SMIM36: variants seen among roughly 807,000 people sequenced by gnomAD.
SMIM36 encodes small integral membrane protein 36.
intron 3 of SMIM36, among the ~76,000 whole-genome samples, chr17:55,474,354 C>T (rs929300737): frequency 1.3e-5 from 2 of 152,116 alleles, no homozygotes; most frequent in Non-Finnish European, 2.9e-5. Flanking sequence ...TTGAGTGATG[C>T]GGATCCTGAG....
intron 4 of SMIM36, among the ~76,000 whole-genome samples, chr17:55,464,784 G>A (rs1909206567): frequency 2.6e-5 from 4 of 152,156 alleles, no homozygotes. Context: ...TGATAAAGAT[G>A]GGAACCAGTT....
At chr17:55,498,361 T>C (rs1270537266) in intron 1 of SMIM36, among the ~76,000 whole-genome samples, 1 of 152,182 alleles carries the variant, frequency 6.6e-6, no homozygotes, top group Non-Finnish European at 1.5e-5. Context: ...TCCAAATTTC[T>C]ACAGCACGTG....
chr17:55,490,757 G>A (rs1909687800), intron 1 of SMIM36, among the ~76,000 whole-genome samples: 2 of 152,130 alleles, frequency 1.3e-5, no homozygotes, highest in Non-Finnish European at 2.9e-5. Context: ...TATTTATAAA[G>A]TGAGAAAAAG....
At chr17:55,493,721 G>T (rs781082277) in intron 1 of SMIM36, among the ~76,000 whole-genome samples, 1 of 149,528 alleles carries the variant, frequency 6.7e-6, no homozygotes, top group African/African-American at 2.5e-5. Flanking sequence ...GAGGTGGGAG[G>T]ATCCCTTGAG....
At chr17:55,501,370 T>TA (rs1909963588) in intron 1 of SMIM36, among the ~76,000 whole-genome samples, 1 of 79,032 alleles carries the variant, frequency 1.3e-5, no homozygotes, top group Non-Finnish European at 2.1e-5. Context: ...ATATAATATA[T>TA]TATATATTAT....
chr17:55,492,107 T>C (rs997876631), intron 1 of SMIM36, among the ~76,000 whole-genome samples: 29 of 150,002 alleles, frequency 1.9e-4, no homozygotes, highest in Non-Finnish European at 3.7e-4. Flanking sequence ...TGCAGTGAGC[T>C]GAGATGCTGT....
intron 4 of SMIM36, among the ~76,000 whole-genome samples, chr17:55,455,404 A>G (rs1908999056): frequency 7.1e-6 from 1 of 140,836 alleles, no homozygotes; most frequent in Non-Finnish European, 1.5e-5. Context: ...AACAGGATTC[A>G]TACATTCTTA....
chr17:55,493,131 C>G (rs1428958264), intron 1 of SMIM36, among the ~76,000 whole-genome samples: 1 of 152,182 alleles, frequency 6.6e-6, no homozygotes, highest in Non-Finnish European at 1.5e-5. Flanking sequence ...GCTGTAGCCA[C>G]GGGCAGTTTT....
intron 1 of SMIM36, among the ~76,000 whole-genome samples, chr17:55,494,522 C>T (rs1438044893): frequency 6.6e-6 from 1 of 152,084 alleles, no homozygotes; most frequent in South Asian, 2.1e-4. Flanking sequence ...TACACATAGA[C>T]AAACTCCAAG....
At chr17:55,493,344 C>A (rs1044041193) in intron 1 of SMIM36, among the ~76,000 whole-genome samples, 2 of 152,168 alleles carry the variant, frequency 1.3e-5, no homozygotes, top group African/African-American at 4.8e-5. Flanking sequence ...AGTGGCTGGG[C>A]TAAGAATTAG....
chr17:55,456,808 A>G (rs1435822047), intron 4 of SMIM36, among the ~76,000 whole-genome samples: 2 of 152,182 alleles, frequency 1.3e-5, no homozygotes, highest in Non-Finnish European at 1.5e-5. Flanking sequence ...GGACTTAATT[A>G]TAAGTTTCAT....
intron 4 of SMIM36, among the ~76,000 whole-genome samples, chr17:55,461,473 A>G (rs1275225541): frequency 6.6e-6 from 1 of 152,140 alleles, no homozygotes; most frequent in Non-Finnish European, 1.5e-5. Context: ...ATTGCCAGGG[A>G]CTGTGGTGGG....
At chr17:55,465,835 A>G (rs1375560671) in intron 4 of SMIM36, among the ~76,000 whole-genome samples, 2 of 152,112 alleles carry the variant, frequency 1.3e-5, no homozygotes, top group Non-Finnish European at 2.9e-5. Flanking sequence ...CAGAGTCTCT[A>G]ATAAGGTCCT....
rs111585598 is a variant in SMIM36 at position 55,497,039 on chromosome 17, G to T, written c.*174+13840C>A. 1.3e-3 allele frequency among the ~76,000 whole-genome samples: 194 copies of T among 152,176 alleles called. 2 individuals carry two copies. The highest frequency in any genetic ancestry group is 4.2e-3 in the African/African-American group (176 of 41,508). On this transcript the variant is annotated intron_variant, in intron 1 of 4. Transcript: ENST00000636752. ...TATATGGGGTATCGGAAGAGACTTG[G>T]ATACTTTAGGGATAATTCCGAACTG...
intron 1 of SMIM36, among the ~76,000 whole-genome samples, chr17:55,494,337 CCAAGGAACTCTG>C (rs1200898703): frequency 1.3e-5 from 2 of 152,124 alleles, no homozygotes; most frequent in African/African-American, 2.4e-5. Context: ...AAAAAACTCA[CCAAGGAACTCTG>C]CAAAGCATCC....
chr17:55,529,733 G>T, the SMIM36 span, among the ~76,000 whole-genome samples: 6 of 152,128 alleles, frequency 3.9e-5, no homozygotes, highest in African/African-American at 1.4e-4. Context: ...CGAGGCTGTG[G>T]TGAGCTGCAA....
chr17:55,510,510 T>TCCC (rs1910161287), intron 1 of SMIM36, among the ~76,000 whole-genome samples: 1 of 152,126 alleles, frequency 6.6e-6, no homozygotes, highest in African/African-American at 2.4e-5. Flanking sequence ...GTGGGAAGGT[T>TCCC]GCTTGAGCCC....
intron 1 of SMIM36, among the ~76,000 whole-genome samples, chr17:55,499,842 T>C (rs568363322): frequency 6.6e-6 from 1 of 152,316 alleles, no homozygotes; most frequent in South Asian, 2.1e-4. Context: ...AGGTGGAACC[T>C]TGCAGTTGTG....
At chr17:55,451,190 T>C (rs911031780) in intron 4 of SMIM36, among the ~76,000 whole-genome samples, 7 of 152,184 alleles carry the variant, frequency 4.6e-5, no homozygotes, top group African/African-American at 1.7e-4. Context: ...CAGCCCCTAA[T>C]GGCTTCTTAT....
Sources: gnomAD v4.1 joint callset for allele counts (sites outside exome capture counted in the v4.1 genomes callset) on GRCh38, gnomAD v4.1.1 for gene constraint, MANE v1.5 for transcripts, NCBI Gene and HGNC (gene_info 2026-07-23, HGNC 2026-07-21) for gene names.